The following CCDC178 variants were observed in gnomAD, a reference collection of about 807,000 sequenced individuals.
The protein encoded by CCDC178 is coiled-coil domain-containing protein 178.
A neutral mutation model predicts 117.4 loss-of-function variants in CCDC178; 126 were observed. That is an observed-to-expected ratio of 1.07 (90% CI 0.93 to 1.24). The LOEUF (loss-of-function observed/expected upper bound fraction) is 1.24. CCDC178 is among the 50% of genes most tolerant of loss of function. CCDC178 has a pLI of 0.00. For missense variants in CCDC178, 1,030 were observed against 986.9 expected (o/e 1.04, Z -0.59); for synonymous variants, 283 against 313.4 (o/e 0.90, Z 1.02).
At chr18:32,958,247 AT>A in intron 22 of CCDC178, 1 of 529,408 alleles carries the variant, frequency 1.9e-6, no homozygotes, top group Non-Finnish European at 3.5e-6. Context: ...ATAGTTAGTG[AT>A]TATACTAAAA....
intron 20 of CCDC178, among the ~76,000 whole-genome samples, chr18:33,139,110 C>T (rs552547164): frequency 4.5e-4 from 69 of 152,222 alleles, no homozygotes; most frequent in Middle Eastern, 3.4e-3. Context: ...ATTTTAAAAA[C>T]GGGAGATTCC....
rs529389973 is a variant in CCDC178 at position 32,988,606 on chromosome 18, A to T, written c.2389-13925T>A. Among the ~76,000 whole-genome samples the T allele has an allele frequency of 3.9e-5, 6 of 152,190 alleles. No homozygotes were observed. In the East Asian group the frequency reaches 7.7e-4, roughly 20 times the overall value. On this transcript the variant is annotated intron_variant, in intron 21 of 22. Transcript: ENST00000383096. ...AGAGCTTTTCATCCAAATTTAAAAA[A>T]ATATATAAAGAACAGAATAAACTAA... is the stretch of plus-strand genomic sequence containing the variant.
chr18:33,210,728 A>G (rs772782248), intron 20 of CCDC178, among the ~76,000 whole-genome samples: 12 of 151,808 alleles, frequency 7.9e-5, no homozygotes, highest in Admixed American at 2.6e-4. Flanking sequence ...CACATCTGAA[A>G]CTCAGCCATC....
chr18:33,300,519 T>C (rs1343703800), intron 11 of CCDC178, among the ~76,000 whole-genome samples: 1 of 152,150 alleles, frequency 6.6e-6, no homozygotes, highest in Non-Finnish European at 1.5e-5. Context: ...ACTGGTCAAA[T>C]GGTTGTGACC....
chr18:33,062,857 C>T (rs1229645063), intron 21 of CCDC178, among the ~76,000 whole-genome samples: 1 of 152,100 alleles, frequency 6.6e-6, no homozygotes, highest in Non-Finnish European at 1.5e-5. Context: ...CCCACATTCA[C>T]CTAGATGCCG....
intron 20 of CCDC178, among the ~76,000 whole-genome samples, chr18:33,129,588 T>A (rs1222976704): frequency 6.6e-6 from 1 of 152,090 alleles, no homozygotes; most frequent in Non-Finnish European, 1.5e-5. Flanking sequence ...ATCCCATCTG[T>A]TAATGCTAAA....
At chr18:33,415,877 G>A (rs1024089739) in intron 2 of CCDC178, among the ~76,000 whole-genome samples, 1 of 152,078 alleles carries the variant, frequency 6.6e-6, no homozygotes, top group Admixed American at 6.5e-5. Flanking sequence ...AAGGTGTAGA[G>A]AAGAAGGCAG....
At chr18:33,349,921 C>G (rs2062950298) in intron 7 of CCDC178, among the ~76,000 whole-genome samples, 1 of 151,860 alleles carries the variant, frequency 6.6e-6, no homozygotes, top group African/African-American at 2.4e-5. Flanking sequence ...GTGTATTTTA[C>G]TACCATTTCA....
intron 14 of CCDC178, among the ~76,000 whole-genome samples, chr18:33,252,480 A>G (rs1443432486): frequency 1.3e-5 from 2 of 151,794 alleles, no homozygotes; most frequent in South Asian, 2.1e-4. Context: ...TGAAAAAATT[A>G]AAAACCAAAA....
At chr18:33,272,937 T>G (rs2144790660) in intron 12 of CCDC178, among the ~76,000 whole-genome samples, 1 of 151,492 alleles carries the variant, frequency 6.6e-6, no homozygotes, top group Middle Eastern at 3.4e-3. Context: ...ACATCATACT[T>G]GATGAAAAGT....
chr18:33,222,962 G>A, intron 18 of CCDC178, 144 bp downstream of exon 18: 1 of 582,732 alleles, frequency 1.7e-6, no homozygotes, highest in Non-Finnish European at 3.0e-6. Context: ...GTGTGTGTGA[G>A]TGTGTGCGCT....
At chr18:33,068,735 A>G (rs2057060568) in intron 21 of CCDC178, among the ~76,000 whole-genome samples, 1 of 152,180 alleles carries the variant, frequency 6.6e-6, no homozygotes, top group Non-Finnish European at 1.5e-5. Flanking sequence ...GAAAAGCTGA[A>G]AGCCTTTCCT....
chr18:33,262,780 T>C (rs557022212), intron 14 of CCDC178, among the ~76,000 whole-genome samples: 4 of 152,300 alleles, frequency 2.6e-5, no homozygotes, highest in African/African-American at 9.6e-5. Flanking sequence ...AATTTTAACA[T>C]TAGATCTACT....
intron 22 of CCDC178, among the ~76,000 whole-genome samples, chr18:32,939,669 AAC>A (rs1392368665): frequency 1.3e-5 from 2 of 152,130 alleles, no homozygotes; most frequent in Non-Finnish European, 2.9e-5. Flanking sequence ...AGTAAAAGAC[AAC>A]ACACAGGAAA....
At chr18:33,382,165 A>G (rs2144797442) in intron 5 of CCDC178, among the ~76,000 whole-genome samples, 3 of 152,260 alleles carry the variant, frequency 2.0e-5, no homozygotes, top group East Asian at 3.9e-4. Flanking sequence ...CAGAGTAGTA[A>G]TTTCTCAAAA....
Position 33,189,470 on chromosome 18 carries a change from T to C in CCDC178, c.2238+22426A>G, listed in dbSNP as rs182041136. ...ATATATGTAAGTTATTTTTGTCCCA[T>C]CTACTTCCAGTAATATTTAACACAG... On this transcript the variant is annotated intron_variant, in intron 20 of 22. Transcript: ENST00000383096. Among the ~76,000 whole-genome samples, 7 of 152,312 alleles carry C rather than the reference T, an allele frequency of 4.6e-5. No homozygotes were observed. The East Asian group carries it at 1.3e-3, about 29-fold the overall frequency.
At chr18:33,333,446 G>T (rs916030863) in intron 9 of CCDC178, 52 bp from the exon 10 acceptor site, 1 of 696,220 alleles carries the variant, frequency 1.4e-6, no homozygotes, top group Non-Finnish European at 2.2e-6. Context: ...GGAAATATTT[G>T]ATAATACATA....
intron 11 of CCDC178, among the ~76,000 whole-genome samples, chr18:33,297,952 G>C (rs1388062266): frequency 6.6e-6 from 1 of 151,868 alleles, no homozygotes; most frequent in Non-Finnish European, 1.5e-5. Context: ...TGAGGCAGGA[G>C]AATGGCGTGA....
intron 20 of CCDC178, among the ~76,000 whole-genome samples, chr18:33,101,089 T>C (rs1290525855): frequency 6.6e-6 from 1 of 151,888 alleles, no homozygotes; most frequent in Non-Finnish European, 1.5e-5. Flanking sequence ...TCTAAATTTA[T>C]TAATTGTGTA....
Sources: gnomAD v4.1 joint callset for allele counts (sites outside exome capture counted in the v4.1 genomes callset) on GRCh38, gnomAD v4.1.1 for gene constraint, MANE v1.5 for transcripts, NCBI Gene and HGNC (gene_info 2026-07-23, HGNC 2026-07-21) for gene names.